Variants in GRIN2B observed in about 807,000 individuals in gnomAD.
GRIN2B encodes the protein glutamate ionotropic receptor NMDA type subunit 2B.
In GRIN2B, 5 loss-of-function variants were observed where a neutral mutation model predicts 114.5. That is an observed-to-expected ratio of 0.04 (90% confidence interval 0.02 to 0.09). The LOEUF (loss-of-function observed/expected upper bound fraction) is 0.09. Ranked by LOEUF, GRIN2B falls within the 10% of genes least tolerant of loss-of-function variation. The pLI, the probability that GRIN2B is intolerant of heterozygous loss-of-function variation, is 1.00. For synonymous variants in GRIN2B, 787 were observed against 745.1 expected, an observed-to-expected ratio of 1.06 and a Z score of -0.92; for missense variants, 1,108 against 1,943.5, an observed-to-expected ratio of 0.57 and a Z score of 8.08.
At chr12:13,758,702 G>C (rs1228863255) in intron 3 of GRIN2B, among the ~76,000 whole-genome samples, 1 of 152,102 alleles carries the variant, frequency 6.6e-6, no homozygotes, top group Non-Finnish European at 1.5e-5. Flanking sequence ...TCAAATGTCA[G>C]GTCTTTTAGG....
chr12:13,679,358 T>G (rs773465753), intron 4 of GRIN2B, among the ~76,000 whole-genome samples: 10 of 152,162 alleles, frequency 6.6e-5, no homozygotes, highest in Non-Finnish European at 1.5e-4. Context: ...TTGAGAAATT[T>G]GAACTTGCAG....
intron 3 of GRIN2B, among the ~76,000 whole-genome samples, chr12:13,843,998 A>G (rs973604476): frequency 5.9e-5 from 9 of 152,212 alleles, no homozygotes; most frequent in Non-Finnish European, 1.2e-4. Context: ...TCTCCTCATT[A>G]TCACCTCAGT....
At chr12:13,905,587 C>T (rs1866523806) in intron 2 of GRIN2B, among the ~76,000 whole-genome samples, 1 of 152,100 alleles carries the variant, frequency 6.6e-6, no homozygotes, top group African/African-American at 2.4e-5. Flanking sequence ...CTATACTATT[C>T]ACTACCCTTG....
intron 2 of GRIN2B, among the ~76,000 whole-genome samples, chr12:13,870,652 A>C (rs538816469): frequency 6.6e-6 from 1 of 152,280 alleles, no homozygotes; most frequent in Admixed American, 6.5e-5. Flanking sequence ...AAAATATTCC[A>C]AGCACCATCC....
At chr12:13,582,523 G>A (rs1483283497) in intron 10 of GRIN2B, among the ~76,000 whole-genome samples, 4 of 152,118 alleles carry the variant, frequency 2.6e-5, no homozygotes, top group Non-Finnish European at 5.9e-5. Context: ...TAACATTAGT[G>A]CTATAATTGC....
At chr12:13,568,839 A>AT (rs1948672522) in intron 12 of GRIN2B, among the ~76,000 whole-genome samples, 3 of 152,266 alleles carry the variant, frequency 2.0e-5, no homozygotes, top group South Asian at 2.1e-4. Context: ...AGAAGATGAG[A>AT]TTTTTTTCAA....
intron 2 of GRIN2B, among the ~76,000 whole-genome samples, chr12:13,971,831 C>A (rs562893020): frequency 6.6e-6 from 1 of 152,296 alleles, no homozygotes; most frequent in Non-Finnish European, 1.5e-5. Context: ...AGTTTCCTAA[C>A]TTTCAACACC....
intron 10 of GRIN2B, among the ~76,000 whole-genome samples, chr12:13,595,215 C>T (rs1308111431): frequency 6.6e-6 from 1 of 152,184 alleles, no homozygotes; most frequent in Non-Finnish European, 1.5e-5. Flanking sequence ...CTGAATGGTA[C>T]AGGTCTTTTT....
Position 13,558,845 on chromosome 12 carries a change from G to GACTC in GRIN2B, c.*3934_*3937dup, listed in dbSNP as rs2062464614. ...CACTTTGAAGGGTGTGCAAAGTCTC[G>GACTC]ACTCAGGCAAATTCAAGGGTCAGAT... On this transcript the variant is annotated 3_prime_UTR_variant, in exon 14 of 14. Transcript: ENST00000609686. 6.6e-6 allele frequency: 1 copy of GACTC among 152,156 alleles called. No homozygotes were observed. Among genetic ancestry groups the GACTC allele is most frequent in the Admixed American group, 6.5e-5 (1 of 15,284 alleles). 9.4% of individuals were successfully genotyped at this position (152,156 alleles called of 1,614,324 possible). A position where few individuals can be genotyped will look rare whatever the true frequency, so the allele number is the denominator to read the frequency against.
At chr12:13,613,690 G>A (rs1248798167) in intron 8 of GRIN2B, among the ~76,000 whole-genome samples, 1 of 152,094 alleles carries the variant, frequency 6.6e-6, no homozygotes, top group East Asian at 1.9e-4. Context: ...TGGCTTAATA[G>A]GTCTAAGATT....
chr12:13,823,569 G>C (rs1369990680), intron 3 of GRIN2B, among the ~76,000 whole-genome samples: 1 of 151,926 alleles, frequency 6.6e-6, no homozygotes, highest in Admixed American at 6.6e-5. Flanking sequence ...AAATTCCTTA[G>C]AATTTTCTGC....
intron 4 of GRIN2B, among the ~76,000 whole-genome samples, chr12:13,681,775 T>C (rs1591673634): frequency 6.6e-6 from 1 of 152,204 alleles, no homozygotes; most frequent in African/African-American, 2.4e-5. Context: ...ATTACTCTAG[T>C]GAAGCAAATT....
At chr12:13,778,207 T>C (rs1479494896) in intron 3 of GRIN2B, among the ~76,000 whole-genome samples, 1 of 152,248 alleles carries the variant, frequency 6.6e-6, no homozygotes, top group Non-Finnish European at 1.5e-5. Context: ...TTTTATCTTA[T>C]TCATGTAATT....
At chr12:13,842,116 T>C (rs1865389651) in intron 3 of GRIN2B, among the ~76,000 whole-genome samples, 1 of 152,262 alleles carries the variant, frequency 6.6e-6, no homozygotes, top group South Asian at 2.1e-4. Context: ...GGACTGCCAC[T>C]GCCAGTATGG....
At chr12:13,850,191 A>C (rs1212975980) in intron 3 of GRIN2B, among the ~76,000 whole-genome samples, 3 of 152,194 alleles carry the variant, frequency 2.0e-5, no homozygotes, top group Non-Finnish European at 4.4e-5. Context: ...GATTGCTCTA[A>C]GACCTATCGC....
chr12:13,976,777 G>C (rs760337418), intron 2 of GRIN2B, among the ~76,000 whole-genome samples: 1 of 149,382 alleles, frequency 6.7e-6, no homozygotes, highest in Non-Finnish European at 1.5e-5. Flanking sequence ...CAAGAATATA[G>C]AAAAAAAAAA....
chr12:13,589,420 G>A (rs111666951), intron 10 of GRIN2B, among the ~76,000 whole-genome samples: 10 of 152,308 alleles, frequency 6.6e-5, no homozygotes, highest in African/African-American at 2.4e-4. Flanking sequence ...TTTCTATTCT[G>A]AGGGCCTCTA....
chr12:13,554,115 A>C lies in GRIN2B; in HGVS notation c.*8668T>G, dbSNP rs991292222. On this transcript the variant is annotated 3_prime_UTR_variant, in exon 14 of 14. Transcript: ENST00000609686. ...TCAATTATAATTTATAATAATATCA[A>C]ATATTTACTAATGCCTTTCATATAC... is the stretch of plus-strand genomic sequence containing the variant. 3 of 152,176 alleles carry C rather than the reference A, an allele frequency of 2.0e-5. No individual in the cohort carries two copies. Among genetic ancestry groups the C allele is most frequent in the Non-Finnish European group, 2.9e-5 (2 of 68,030 alleles). 9.4% of individuals were successfully genotyped at this position (152,176 alleles called of 1,614,324 possible).
At chr12:13,769,829 A>G (rs1447845168) in intron 3 of GRIN2B, among the ~76,000 whole-genome samples, 3 of 152,236 alleles carry the variant, frequency 2.0e-5, no homozygotes, top group African/African-American at 7.2e-5. Context: ...GTGAAGCTGC[A>G]TGAAACCCTG....
Sources: allele counts gnomAD v4.1 joint callset (sites outside exome capture counted in the v4.1 genomes callset), GRCh38; gene constraint gnomAD v4.1.1; transcripts MANE v1.5; gene names NCBI Gene and HGNC (gene_info 2026-07-23, HGNC 2026-07-21).